The following HTR3E variants were observed in gnomAD, a reference collection of about 807,000 sequenced individuals.
HTR3E encodes the protein 5-hydroxytryptamine (serotonin) receptor 3, family member E.
A neutral mutation model predicts 38.0 loss-of-function variants in HTR3E; 38 were observed. The ratio of observed to expected loss-of-function variants is 1.00; its 90% confidence interval spans 0.77 to 1.31. The LOEUF (loss-of-function observed/expected upper bound fraction) is 1.31, where lower values mean the gene tolerates loss of function less well. Ranked by LOEUF, HTR3E falls within the 50% of genes most tolerant of loss-of-function variation. The pLI is 0.00. For synonymous variants in HTR3E, 210 were observed against 232.9 expected, an observed-to-expected ratio of 0.90 and a Z score of 0.89; for missense variants, 547 against 585.2, an observed-to-expected ratio of 0.93 and a Z score of 0.67.
chr3:184,101,995 C>T (rs1702980818), intron 3 of HTR3E, among the ~76,000 whole-genome samples: 1 of 151,990 alleles, frequency 6.6e-6, no homozygotes, highest in African/African-American at 2.4e-5. Context: ...ATCTCAAAAA[C>T]AAAACAAAAC....
chr3:184,104,935 T>G lies in HTR3E; in HGVS notation c.538T>G (p.Phe180Val). ...PFDQQNCTLTFSSFLYTVDSM... is the reference protein window; with the variant it reads ...PFDQQNCTLTVSSFLYTVDSM... ...CGACCAGCAGAACTGCACACTCACC[T>G]TCAGCTCATTCCTCTACACAGGTAA... Residue 180 changes from phenylalanine to valine, a missense_variant, in exon 5 of 9, where the codon TTC (phenylalanine) becomes GTC (valine). Coordinates refer to ENST00000415389, the MANE Select transcript of HTR3E (RefSeq NM_001256613.2). 6.2e-7 allele frequency: 1 copy of G among 1,613,820 alleles called. No homozygotes were observed. The highest frequency in any genetic ancestry group is 1.3e-5 in the African/African-American group (1 of 74,994).
Position 184,105,777 on chromosome 3 carries a change from C to T in HTR3E, c.733C>T (p.Arg245Cys), listed in dbSNP as rs781513210. The T allele has an allele frequency of 1.7e-5, 28 of 1,613,790 alleles. No homozygotes were observed. Among genetic ancestry groups the T allele is most frequent in the East Asian group, 8.9e-5 (4 of 44,884 alleles). The change falls in exon 7 of 9, where the codon CGC becomes TGC. Residue 245 changes from arginine (R) to cysteine (C), a missense_variant. By Grantham distance (180) the Arg-to-Cys change is radical. Coordinates refer to ENST00000415389, the MANE Select transcript of HTR3E (RefSeq NM_001256613.2). ...DQIVFYVAIR[R>C]RPSLYVINLL... ...CCTACCCCACCAGGTGGCCATCAGG[C>T]GCAGGCCCAGTCTCTATGTCATAAA...
chr3:184,103,706 A>C (rs1712213723), intron 3 of HTR3E, among the ~76,000 whole-genome samples: 1 of 151,594 alleles, frequency 6.6e-6, no homozygotes, highest in Non-Finnish European at 1.5e-5. Flanking sequence ...CTGAGGCAGG[A>C]GAATCGCTTG....
Position 184,106,794 on chromosome 3 carries a change from G to T in HTR3E, c.*101G>T, listed in dbSNP as rs1219565703. ...GAGTACCAACTATCATATCCCCAAA[G>T]ATGACTGAGTCTCTGCTGTATTCCA... On this transcript the variant is annotated 3_prime_UTR_variant, in exon 9 of 9. Transcript: ENST00000415389. This position sits in a 1 kb window ranked among gnomAD's most constrained non-coding sequence, Gnocchi z 4.1. The T allele has an allele frequency of 2.6e-6, 3 of 1,168,790 alleles. No homozygotes were observed. The highest frequency in any genetic ancestry group is 1.4e-5 in the South Asian group (1 of 71,104). 72.4% of individuals were successfully genotyped at this position (1,168,790 alleles called of 1,614,324 possible).
chr3:184,105,691 T>C (rs1712381760), intron 6 of HTR3E, 74 bp from the exon 7 acceptor site: 11 of 1,260,950 alleles, frequency 8.7e-6, no homozygotes, highest in Non-Finnish European at 1.3e-5. Context: ...GAGACAGAAA[T>C]TGTCACTGCT....
chr3:184,105,441 C>A lies in HTR3E; in HGVS notation c.720+14C>A. The A allele has an allele frequency of 6.3e-7, 1 of 1,583,938 alleles. No individual in the cohort carries two copies. The highest frequency in any genetic ancestry group is 8.6e-7 in the Non-Finnish European group (1 of 1,167,054). On this transcript the variant is annotated intron_variant, in intron 6 of 8. Transcript: ENST00000415389. The stretch of plus-strand genomic sequence containing the variant: ...ATCGTGTTCTATGTGAGCTTGGAGG[C>A]TCTTACTCTTTCCTTCCTCCCGCAC...
At chr3:184,100,717 C>T (rs779355812) in intron 2 of HTR3E, 66 bp downstream of exon 2, 63 of 1,561,948 alleles carry the variant, frequency 4.0e-5, no homozygotes, top group Non-Finnish European at 5.4e-5. Context: ...GGCAAAGTGG[C>T]CCCCCAAAGC....
At chr3:184,103,794 C>A (rs1278292881) in intron 3 of HTR3E, among the ~76,000 whole-genome samples, 1 of 148,738 alleles carries the variant, frequency 6.7e-6, no homozygotes, top group Non-Finnish European at 1.5e-5. Flanking sequence ...AAGACTCCAT[C>A]TCAGAAAAAA....
rs781601181 is a variant in HTR3E at position 184,106,690 on chromosome 3, C to G, written c.1368C>G (p.Thr456=). ...SIITVICLWN[T] Reference sequence around the variant, plus strand: ...TCACCGTCATATGCCTCTGGAACACCTAGGCAGGTGCTCACCTGCCAACTT... The same window carrying G: ...TCACCGTCATATGCCTCTGGAACACGTAGGCAGGTGCTCACCTGCCAACTT... Residue 456 remains threonine, a synonymous_variant, in exon 9 of 9, where the codon ACC becomes ACG. Coordinates refer to ENST00000415389, the MANE Select transcript of HTR3E (RefSeq NM_001256613.2). This position sits in a 1 kb window ranked among gnomAD's most constrained non-coding sequence, Gnocchi z 4.1. 6.2e-7 allele frequency: 1 copy of G among 1,613,902 alleles called. No individual in the cohort carries two copies.
At position 184,101,103 on chromosome 3, in the gene HTR3E, C is replaced by G. The variant is rs141810788; in HGVS notation, c.235-382C>G. Among the ~76,000 whole-genome samples, 298 of 152,242 alleles carry G rather than the reference C, an allele frequency of 2.0e-3. 4 individuals are homozygous for G. Among genetic ancestry groups the G allele is most frequent in the African/African-American group, 6.9e-3 (287 of 41,546 alleles). On this transcript the variant is annotated intron_variant, in intron 2 of 8. Transcript: ENST00000415389. The stretch of plus-strand genomic sequence containing the variant: ...GGATTTCAGGCATGCGTCACAACAC[C>G]TGGCTAATTTTTGTACTTTTAGTAG...
intron 3 of HTR3E, among the ~76,000 whole-genome samples, chr3:184,103,818 A>C (rs113357500): frequency 1.3e-5 from 2 of 151,912 alleles, no homozygotes; most frequent in African/African-American, 4.8e-5. Flanking sequence ...AGAAAGAAAA[A>C]GAAAAGAAAA....
chr3:184,101,851 A>G (rs1712065584), intron 3 of HTR3E, among the ~76,000 whole-genome samples: 1 of 152,170 alleles, frequency 6.6e-6, no homozygotes, highest in Non-Finnish European at 1.5e-5. Flanking sequence ...TTAGCTGGGC[A>G]TGGTGGCGGG....
intron 4 of HTR3E, among the ~76,000 whole-genome samples, chr3:184,104,541 TA>T (rs11320996): frequency 0.33 from 39,511 of 119,270 alleles, 6,577 homozygotes; most frequent in South Asian, 0.44. Flanking sequence ...CCTCATCTCT[TA>T]AAAAAAAAAA....
Position 184,106,689 on chromosome 3 carries a change from C to A in HTR3E, c.1367C>A (p.Thr456Asn), listed in dbSNP as rs1712487873. The A allele has an allele frequency of 6.2e-7, 1 of 1,613,992 alleles. No homozygotes were observed. The highest frequency in any genetic ancestry group is 1.7e-5 in the Admixed American group (1 of 60,012). Residue 456 changes from threonine (T) to asparagine (N), a missense_variant, in exon 9 of 9, where the codon ACC becomes AAC. Thr to Asn is a moderately conservative substitution (Grantham distance 65). Coordinates refer to ENST00000415389, the MANE Select transcript of HTR3E (RefSeq NM_001256613.2). This position sits in a 1 kb window ranked among gnomAD's most constrained non-coding sequence, Gnocchi z 4.1. ...SIITVICLWN[T>N] ...ATCACCGTCATATGCCTCTGGAACA[C>A]CTAGGCAGGTGCTCACCTGCCAACT...
intron 6 of HTR3E, 44 bp downstream of exon 6, chr3:184,105,471 A>C: frequency 6.4e-7 from 1 of 1,556,596 alleles, no homozygotes; most frequent in Non-Finnish European, 8.7e-7. Context: ...CCGCACTTTT[A>C]CCCTTGCCTA....
rs141858531 is a variant in HTR3E, at chr3:184,106,612, G to A, written c.1290G>A (p.Ala430=). 105 of 1,614,196 alleles carry A rather than the reference G, an allele frequency of 6.5e-5. No homozygotes were observed. In the African/African-American group the frequency reaches 9.6e-4, roughly 15 times the overall value. The stretch of plus-strand genomic sequence containing the variant: ...AGCTGTGGTTGCAGTTCAGCCACGC[G>A]ATGGACGCCATGCTCTTCCGCCTCT... ...SVELWLQFSH[A]MDAMLFRLYL... Residue 430 remains alanine, a synonymous_variant, in exon 9 of 9, where the codon GCG becomes GCA. Coordinates refer to ENST00000415389, the MANE Select transcript of HTR3E (RefSeq NM_001256613.2). The surrounding 1 kb of genome is among the most constrained non-coding windows in gnomAD (Gnocchi z 4.1).
intron 3 of HTR3E, among the ~76,000 whole-genome samples, chr3:184,102,735 G>C (rs919949302): frequency 8.6e-5 from 13 of 151,762 alleles, no homozygotes; most frequent in Non-Finnish European, 1.6e-4. Flanking sequence ...GACCACCCTG[G>C]GCAACATGGT....
At position 184,100,530 on chromosome 3, in the gene HTR3E, A is replaced by G. The variant is rs1265692223; in HGVS notation, c.113A>G (p.His38Arg). The change falls in exon 2 of 9, where the codon CAC becomes CGC. Residue 38 changes from histidine to arginine, a missense_variant. His to Arg is a conservative substitution (Grantham distance 29, BLOSUM62 0). Coordinates refer to ENST00000415389, the MANE Select transcript of HTR3E (RefSeq NM_001256613.2). ...ATCAATTGCTCAGGGTTTGGCCAGCACGGGGCGGATCCCACTGCTCTGAAT... is the reference window on the plus strand; with the variant it reads ...ATCAATTGCTCAGGGTTTGGCCAGCGCGGGGCGGATCCCACTGCTCTGAAT... ...FTINCSGFGQ[H>R]GADPTALNSV... 3 of 1,614,156 alleles carry G rather than the reference A, an allele frequency of 1.9e-6. No homozygotes were observed. The highest frequency in any genetic ancestry group is 8.5e-7 in the Non-Finnish European group (1 of 1,180,036).
At chr3:184,100,796 A>G in intron 2 of HTR3E, 145 bp downstream of exon 2, 1 of 1,169,400 alleles carries the variant, frequency 8.6e-7, no homozygotes, top group Non-Finnish European at 1.2e-6. Flanking sequence ...ATCTCAAAGA[A>G]GCTCTGTCCA....
Sources: gnomAD v4.1 joint callset for allele counts (sites outside exome capture counted in the v4.1 genomes callset) on GRCh38, gnomAD v4.1.1 for gene constraint, Gnocchi (gnomAD v3.1) non-coding constraint, MANE v1.5 for transcripts, NCBI Gene and HGNC (gene_info 2026-07-23, HGNC 2026-07-21) for gene names.